PUM1: variants seen among roughly 807,000 people sequenced by gnomAD.
The protein encoded by PUM1 is pumilio RNA binding family member 1, also known as pumilio homolog 1.
PUM1 carries 13 observed loss-of-function variants against 131.8 expected under a neutral mutation model. That is an observed-to-expected ratio of 0.10 (90% confidence interval 0.06 to 0.16). The LOEUF (loss-of-function observed/expected upper bound fraction) is 0.16. Ranked by LOEUF, PUM1 falls within the 10% of genes least tolerant of loss-of-function variation. The pLI is 1.00. For synonymous variants in PUM1, 509 were observed against 556.5 expected, an observed-to-expected ratio of 0.91 and a Z score of 1.20; for missense variants, 961 against 1,512.4, an observed-to-expected ratio of 0.64 and a Z score of 6.05.
chr1:30,969,495 A>G (rs1396657927), intron 10 of PUM1, among the ~76,000 whole-genome samples: 1 of 152,152 alleles, frequency 6.6e-6, no homozygotes, highest in African/African-American at 2.4e-5. Flanking sequence ...CAAGGTCCAC[A>G]TGGCCCCAAA....
chr1:30,952,070 A>G (rs1331315235), intron 16 of PUM1, among the ~76,000 whole-genome samples, 164 bp downstream of exon 16: 2 of 152,208 alleles, frequency 1.3e-5, no homozygotes, highest in African/African-American at 4.8e-5. Context: ...GAATAGATAG[A>G]CTGCTGCTAA....
chr1:30,971,730 AGTT>A (rs1640878646), intron 10 of PUM1, among the ~76,000 whole-genome samples: 1 of 152,236 alleles, frequency 6.6e-6, no homozygotes, highest in Non-Finnish European at 1.5e-5. Context: ...TAAAACAAGA[AGTT>A]GTACAACTAT....
rs1455452425 is a variant in PUM1 at position 30,995,034 on chromosome 1, G to T, written c.887+20C>A. On this transcript the variant is annotated intron_variant, in intron 6 of 21. Coordinates refer to ENST00000426105, the MANE Select transcript of PUM1 (RefSeq NM_001020658.2). ...TCCCATAGCCCATATTCAAAAATCA[G>T]AAGTGTAAAACATACAAACCTAAAA... The T allele has an allele frequency of 1.9e-6, 3 of 1,596,674 alleles. No homozygotes were observed. In the Admixed American group the frequency reaches 5.3e-5, roughly 28 times the overall value.
In PUM1 at chr1:30,947,871, ATTTTTT is replaced by A. The variant is rs755403369; in HGVS notation, c.2856+2250_2856+2255del. ...TTAACCAAGTGTCAGAAGGGAATAA[ATTTTTT>A]TTTTTTTTTTTTTTGAAACAGGGTC... On this transcript the variant is annotated intron_variant, in intron 17 of 21. Coordinates refer to ENST00000426105, the MANE Select transcript of PUM1 (RefSeq NM_001020658.2). Among the ~76,000 whole-genome samples, 245 of 141,224 alleles carry A rather than the reference ATTTTTT, an allele frequency of 1.7e-3. 1 individual carries two copies. The highest frequency in any genetic ancestry group is 2.5e-3 in the East Asian group (12 of 4,896). The allele number at this position is 141,224 out of a possible 152,430, so 92.6% of individuals were successfully genotyped here. A position where few individuals can be genotyped will look rare whatever the true frequency, so the allele number is the denominator to read the frequency against.
chr1:30,967,489 T>C (rs963333537), intron 11 of PUM1, among the ~76,000 whole-genome samples, 179 bp from the exon 12 acceptor site: 4 of 152,218 alleles, frequency 2.6e-5, no homozygotes, highest in Admixed American at 2.6e-4. Flanking sequence ...ATAAAAATCA[T>C]AGTACTTTCA....
intron 3 of PUM1, among the ~76,000 whole-genome samples, chr1:31,016,365 T>C (rs1642815902): frequency 6.6e-6 from 1 of 152,174 alleles, no homozygotes; most frequent in African/African-American, 2.4e-5. Context: ...GAGTGTTCCA[T>C]CACAAGCCAG....
intron 12 of PUM1, 28 bp downstream of exon 12, chr1:30,967,139 G>A (rs1640656284): frequency 6.2e-7 from 1 of 1,608,776 alleles, no homozygotes; most frequent in African/African-American, 1.3e-5. Flanking sequence ...TAGATCTCTG[G>A]CAGGAGTCCA....
At chr1:30,976,038 A>C (rs1282831241) in intron 9 of PUM1, among the ~76,000 whole-genome samples, 1 of 151,348 alleles carries the variant, frequency 6.6e-6, no homozygotes, top group African/African-American at 2.4e-5. Flanking sequence ...CAGTGAGCCA[A>C]GATTGTACCA....
At chr1:31,010,100 G>A (rs957316615) in intron 3 of PUM1, among the ~76,000 whole-genome samples, 1 of 145,088 alleles carries the variant, frequency 6.9e-6, no homozygotes, top group African/African-American at 2.7e-5. Context: ...GCAAAAGTGT[G>A]GTTTTTGCCA....
chr1:31,001,220 C>G (rs1273866685), intron 5 of PUM1, among the ~76,000 whole-genome samples: 2 of 151,984 alleles, frequency 1.3e-5, no homozygotes, highest in Non-Finnish European at 2.9e-5. Flanking sequence ...AATAAATTAG[C>G]TGGGTGTGGT....
intron 17 of PUM1, among the ~76,000 whole-genome samples, chr1:30,946,098 T>TG (rs1273684549): frequency 6.6e-6 from 1 of 150,480 alleles, no homozygotes; most frequent in Non-Finnish European, 1.5e-5. Context: ...TCCTAGAGCT[T>TG]AAAAAAAAAT....
At chr1:30,936,916 G>T in intron 20 of PUM1, 81 bp from the exon 21 acceptor site, 1 of 1,203,036 alleles carries the variant, frequency 8.3e-7, no homozygotes, top group Non-Finnish European at 1.2e-6. Flanking sequence ...CTTCTGCCCT[G>T]ACCTCCGGAC....
At chr1:30,939,871 T>C (rs1639371269) in intron 20 of PUM1, among the ~76,000 whole-genome samples, 1 of 151,544 alleles carries the variant, frequency 6.6e-6, no homozygotes, top group Non-Finnish European at 1.5e-5. Context: ...TAAAAACTTC[T>C]TTTTTTTTAA....
chr1:31,047,248 T>G (rs1343026013), intron 2 of PUM1, among the ~76,000 whole-genome samples: 1 of 152,004 alleles, frequency 6.6e-6, no homozygotes, highest in Non-Finnish European at 1.5e-5. Context: ...AACTACACAC[T>G]GAGCTGAAGC....
intron 18 of PUM1, among the ~76,000 whole-genome samples, chr1:30,943,418 T>C (rs1223838289): frequency 6.6e-6 from 1 of 152,042 alleles, no homozygotes; most frequent in African/African-American, 2.4e-5. Flanking sequence ...ACCCGGCTAA[T>C]TTTTTGTATT....
intron 9 of PUM1, among the ~76,000 whole-genome samples, chr1:30,975,515 T>A (rs1641099971): frequency 7.5e-6 from 1 of 133,894 alleles, no homozygotes; most frequent in Non-Finnish European, 1.6e-5. Flanking sequence ...TATACCTGAC[T>A]AATTTTTTTT....
intron 21 of PUM1, among the ~76,000 whole-genome samples, chr1:30,935,338 C>A (rs1463352031): frequency 6.6e-6 from 1 of 152,116 alleles, no homozygotes; most frequent in Non-Finnish European, 1.5e-5. Context: ...TAGAGAGCCT[C>A]CTCTGTACCC....
chr1:31,012,656 A>C (rs1007132052), intron 3 of PUM1, among the ~76,000 whole-genome samples: 3 of 152,124 alleles, frequency 2.0e-5, no homozygotes, highest in Admixed American at 6.5e-5. Flanking sequence ...GCCACTTGAG[A>C]CACTTCTTTT....
intron 2 of PUM1, among the ~76,000 whole-genome samples, chr1:31,043,573 T>G (rs1325618381): frequency 6.6e-6 from 1 of 152,164 alleles, no homozygotes; most frequent in Non-Finnish European, 1.5e-5. Flanking sequence ...GTTAATGAAC[T>G]GTCCCCTTGT....
Sources: allele counts gnomAD v4.1 joint callset (sites outside exome capture counted in the v4.1 genomes callset), GRCh38; gene constraint gnomAD v4.1.1; transcripts MANE v1.5; gene names NCBI Gene and HGNC (gene_info 2026-07-23, HGNC 2026-07-21).